Variants in RBMS3 observed in about 807,000 individuals in gnomAD.
The protein encoded by RBMS3 is RNA binding motif single stranded interacting protein 3.
In RBMS3, 27 loss-of-function variants were observed where a neutral mutation model predicts 66.8. The ratio of observed to expected loss-of-function variants is 0.40; its 90% CI spans 0.30 to 0.56. RBMS3 has a LOEUF of 0.56. RBMS3 is among the 20% of genes least tolerant of loss of function. The pLI is 0.40. For missense variants in RBMS3, 513 were observed against 549.5 expected, an observed-to-expected ratio of 0.93 and a Z score of 0.66; for synonymous variants, 188 against 183.0, an observed-to-expected ratio of 1.03 and a Z score of -0.22.
chr3:29,778,501 T>G (rs561568564), intron 6 of RBMS3, among the ~76,000 whole-genome samples: 320 of 151,910 alleles, frequency 2.1e-3, no homozygotes, highest in Non-Finnish European at 3.6e-3. Flanking sequence ...ATTTTACAGA[T>G]TTTTAAATTT....
intron 2 of RBMS3, among the ~76,000 whole-genome samples, chr3:29,443,632 C>T (rs557200383): frequency 1.1e-4 from 17 of 151,890 alleles, no homozygotes; most frequent in African/African-American, 2.7e-4. Context: ...ATACAAGGAA[C>T]GTAAGAAAGG....
At chr3:29,742,617 G>A (rs762606891) in intron 5 of RBMS3, among the ~76,000 whole-genome samples, 1 of 152,080 alleles carries the variant, frequency 6.6e-6, no homozygotes, top group African/African-American at 2.4e-5. Flanking sequence ...TCTTGTTATA[G>A]CTCCTATAAA....
At chr3:29,882,149 C>T (rs1440453939) in intron 7 of RBMS3, among the ~76,000 whole-genome samples, 2 of 152,070 alleles carry the variant, frequency 1.3e-5, no homozygotes, top group African/African-American at 4.8e-5. Context: ...CTGCCCTTTC[C>T]TGTGCCTGAG....
At chr3:29,677,667 T>C (rs149682121) in intron 4 of RBMS3, among the ~76,000 whole-genome samples, 125 of 152,324 alleles carry the variant, frequency 8.2e-4, no homozygotes, top group African/African-American at 2.9e-3. Flanking sequence ...AGTTTTACTG[T>C]AGACAGCCTC....
chr3:29,657,394 A>G (rs1046197698), intron 4 of RBMS3, among the ~76,000 whole-genome samples: 6 of 152,102 alleles, frequency 3.9e-5, no homozygotes, highest in African/African-American at 1.2e-4. Flanking sequence ...TGTTTTCTCC[A>G]TATACTAACT....
intron 9 of RBMS3, among the ~76,000 whole-genome samples, chr3:29,898,287 G>C (rs2060174289): frequency 6.6e-6 from 1 of 151,668 alleles, no homozygotes; most frequent in Non-Finnish European, 1.5e-5. Flanking sequence ...AAAGTGTCTA[G>C]TGTCATTTCT....
chr3:29,725,500 A>C (rs1407180884), intron 4 of RBMS3, among the ~76,000 whole-genome samples: 1 of 152,120 alleles, frequency 6.6e-6, no homozygotes. Flanking sequence ...AGAAAGAGAG[A>C]AGAATAAAAT....
At chr3:29,435,235 G>A (rs576649315) in intron 2 of RBMS3, among the ~76,000 whole-genome samples, 1 of 152,288 alleles carries the variant, frequency 6.6e-6, no homozygotes, top group South Asian at 2.1e-4. Flanking sequence ...TCATTGATGA[G>A]TCTCATGAAA....
chr3:29,292,404 G>A (rs2032891457), intron 1 of RBMS3, among the ~76,000 whole-genome samples: 1 of 151,668 alleles, frequency 6.6e-6, no homozygotes, highest in South Asian at 2.1e-4. Context: ...AAAGGGGTGA[G>A]TCTTACCAAA....
chr3:29,700,809 TAGAG>T (rs1329418017), intron 4 of RBMS3, among the ~76,000 whole-genome samples: 1 of 151,670 alleles, frequency 6.6e-6, no homozygotes, highest in Admixed American at 6.6e-5. Context: ...AAAGAGAAAT[TAGAG>T]AGCTGCAAGT....
At chr3:29,336,741 C>A (rs1006264639) in intron 1 of RBMS3, among the ~76,000 whole-genome samples, 3 of 152,080 alleles carry the variant, frequency 2.0e-5, no homozygotes, top group Non-Finnish European at 4.4e-5. Flanking sequence ...CTGAAGCTTG[C>A]AAAGTTGAGC....
chr3:29,925,885 T>C (rs971729315), intron 10 of RBMS3, among the ~76,000 whole-genome samples: 20 of 152,156 alleles, frequency 1.3e-4, no homozygotes, highest in African/African-American at 4.6e-4. Context: ...AAATTAATCA[T>C]ATAGTATTAC....
intron 4 of RBMS3, among the ~76,000 whole-genome samples, chr3:29,672,974 T>C (rs1206692670): frequency 1.3e-5 from 2 of 152,104 alleles, no homozygotes; most frequent in African/African-American, 4.8e-5. Flanking sequence ...CAACAGAATA[T>C]ACATTCTTCT....
At chr3:29,798,937 T>TG (rs1007690593) in intron 6 of RBMS3, among the ~76,000 whole-genome samples, 4 of 151,666 alleles carry the variant, frequency 2.6e-5, no homozygotes, top group African/African-American at 9.7e-5. Flanking sequence ...TGGTTTTTTT[T>TG]TTTTTTTTTT....
chr3:29,700,116 C>A (rs879389851), intron 4 of RBMS3, among the ~76,000 whole-genome samples: 2 of 152,154 alleles, frequency 1.3e-5, no homozygotes, highest in African/African-American at 2.4e-5. Flanking sequence ...AATAAAGTCA[C>A]AATACTGGAC....
chr3:29,500,512 C>G (rs1270172321), intron 3 of RBMS3, among the ~76,000 whole-genome samples: 1 of 151,444 alleles, frequency 6.6e-6, no homozygotes, highest in African/African-American at 2.4e-5. Context: ...TGGTCATCGA[C>G]AAAACTCATA....
intron 4 of RBMS3, chr3:29,616,761 T>G (rs891203003): frequency 1.3e-5 from 2 of 152,220 alleles, no homozygotes; most frequent in Admixed American, 6.5e-5. Flanking sequence ...TTTACATTCC[T>G]GGGAAAATAA....
chr3:29,846,636 G>A (rs1282567393), intron 6 of RBMS3, among the ~76,000 whole-genome samples: 1 of 151,970 alleles, frequency 6.6e-6, no homozygotes, highest in Non-Finnish European at 1.5e-5. Flanking sequence ...TTTCTTTTAG[G>A]TGCTCTGCTG....
intron 7 of RBMS3, among the ~76,000 whole-genome samples, chr3:29,869,462 T>C (rs1343847764): frequency 6.6e-6 from 1 of 152,000 alleles, no homozygotes; most frequent in Non-Finnish European, 1.5e-5. Flanking sequence ...TCTGTTTATA[T>C]ATGTATATAC....
Sources: allele counts gnomAD v4.1 joint callset (sites outside exome capture counted in the v4.1 genomes callset), GRCh38; gene constraint gnomAD v4.1.1; transcripts MANE v1.5; gene names NCBI Gene and HGNC (gene_info 2026-07-23, HGNC 2026-07-21).